Variants in PTPN4 observed in about 807,000 individuals in gnomAD.
The protein encoded by PTPN4 is tyrosine-protein phosphatase non-receptor type 4.
In PTPN4, 49 loss-of-function variants were observed where a neutral mutation model predicts 135.5. The observed-to-expected ratio is 0.36, with a 90% confidence interval of 0.29 to 0.46. PTPN4 has a LOEUF of 0.46. Among genes scored for constraint, PTPN4 ranks in the 20% least tolerant of loss-of-function variants. PTPN4 has a pLI of 1.00. For missense variants in PTPN4, 860 were observed against 1,101.0 expected (o/e 0.78, Z 3.10); for synonymous variants, 333 against 369.9 (o/e 0.90, Z 1.14).
At chr2:119,917,218 CT>C (rs1678666321) in intron 11 of PTPN4, among the ~76,000 whole-genome samples, 1 of 152,192 alleles carries the variant, frequency 6.6e-6, no homozygotes, top group Non-Finnish European at 1.5e-5. Flanking sequence ...AATCCTCACT[CT>C]CATTTTCTGA....
At chr2:119,935,036 A>C in intron 15 of PTPN4, 78 bp downstream of exon 15, 1 of 1,418,888 alleles carries the variant, frequency 7.0e-7, no homozygotes, top group Non-Finnish European at 9.6e-7. Flanking sequence ...CTGGGAAATT[A>C]GGATATTCGA....
rs902869004 is a variant in PTPN4 at position 119,936,008 on chromosome 2, A to AT, written c.1355+1062dup. 3.9e-4 allele frequency among the ~76,000 whole-genome samples: 57 copies of AT among 147,716 alleles called. No individual in the cohort carries two copies. The Middle Eastern group carries it at 0.017, about 45-fold the overall frequency. Reference sequence around the variant, plus strand: ...CGCAATTGAATATTTCCACATGTAAATTTTTTTTTTTTGAGATGGAGTCTC... The same window carrying AT: ...CGCAATTGAATATTTCCACATGTAAATTTTTTTTTTTTTGAGATGGAGTCTC... On this transcript the variant is annotated intron_variant, in intron 15 of 26. Transcript: ENST00000263708.
chr2:119,858,122 AG>A (rs1391671079), intron 2 of PTPN4, among the ~76,000 whole-genome samples: 2 of 152,240 alleles, frequency 1.3e-5, no homozygotes, highest in South Asian at 2.1e-4. Flanking sequence ...GGCCCTCAAC[AG>A]AAGCTGAACA....
intron 22 of PTPN4, among the ~76,000 whole-genome samples, chr2:119,959,854 TAAA>T (rs1231368863): frequency 6.6e-6 from 1 of 152,064 alleles, no homozygotes; most frequent in South Asian, 2.1e-4. Context: ...TTTACAGAAA[TAAA>T]AAACATGAGG....
intron 1 of PTPN4, among the ~76,000 whole-genome samples, chr2:119,790,003 C>T (rs1691115039): frequency 6.6e-6 from 1 of 152,140 alleles, no homozygotes; most frequent in South Asian, 2.1e-4. Flanking sequence ...GCTGGGATTA[C>T]AGGTGTGAGC....
intron 2 of PTPN4, among the ~76,000 whole-genome samples, chr2:119,843,301 T>C (rs963543614): frequency 6.9e-6 from 1 of 144,700 alleles, no homozygotes; most frequent in Non-Finnish European, 1.5e-5. Context: ...AGCACAGGGT[T>C]GGGGGTAAGG....
At chr2:119,882,185 T>A in intron 7 of PTPN4, 36 bp downstream of exon 7, 1 of 1,554,258 alleles carries the variant, frequency 6.4e-7, no homozygotes, top group Non-Finnish European at 8.9e-7. Flanking sequence ...AAATAGCATA[T>A]AACTGTGGTT....
At chr2:119,873,745 A>G (rs1351053049) in intron 3 of PTPN4, among the ~76,000 whole-genome samples, 3 of 152,216 alleles carry the variant, frequency 2.0e-5, no homozygotes, top group South Asian at 2.1e-4. Flanking sequence ...ATTCATATAT[A>G]TTGTATTGCA....
chr2:119,866,166 T>G (rs1034583079), intron 3 of PTPN4, among the ~76,000 whole-genome samples: 7 of 152,152 alleles, frequency 4.6e-5, no homozygotes, highest in African/African-American at 1.7e-4. Context: ...TTATGAGCAG[T>G]CAAAGGTGGC....
chr2:119,785,525 ATATT>A (rs1238167929), intron 1 of PTPN4, among the ~76,000 whole-genome samples: 2 of 152,156 alleles, frequency 1.3e-5, no homozygotes, highest in Non-Finnish European at 2.9e-5. Flanking sequence ...TATATATTAT[ATATT>A]ATTTTGGGTT....
chr2:119,957,077 T>C lies in PTPN4; in HGVS notation c.2133T>C (p.Asn711=). Residue 711 remains asparagine (N), a splice_region_variant and synonymous_variant, in exon 22 of 27, where the codon AAT becomes AAC. Transcript: ENST00000263708. ...NEDYINANYI[N]MEIPSSSIIN... is the part of the protein sequence containing the mutation. ...ACTACATCAATGCGAACTATATAAA[T>C]GTAAGTTTATTCTTATTATGCCTTT... The C allele has an allele frequency of 6.2e-7, 1 of 1,605,078 alleles. No homozygotes were observed. Among genetic ancestry groups the C allele is most frequent in the Non-Finnish European group, 8.5e-7 (1 of 1,175,678 alleles).
At chr2:119,904,600 A>T (rs1224518621) in intron 10 of PTPN4, among the ~76,000 whole-genome samples, 1 of 152,220 alleles carries the variant, frequency 6.6e-6, no homozygotes, top group Non-Finnish European at 1.5e-5. Context: ...GGCACTTCAT[A>T]GTCAAATTTT....
intron 1 of PTPN4, among the ~76,000 whole-genome samples, chr2:119,761,983 GT>G (rs535362623): frequency 6.4e-4 from 98 of 152,190 alleles, no homozygotes; most frequent in African/African-American, 2.2e-3. Context: ...TCAAACTTGT[GT>G]TTTTTTCTTA....
At chr2:119,953,491 A>G (rs997532360) in intron 19 of PTPN4, among the ~76,000 whole-genome samples, 4 of 152,216 alleles carry the variant, frequency 2.6e-5, no homozygotes, top group Non-Finnish European at 4.4e-5. Flanking sequence ...CTTCAACAGA[A>G]CATTCTATTT....
rs2105071990 is a variant in PTPN4, at chr2:119,980,856, C to T, written c.*3786C>T. On this transcript the variant is annotated 3_prime_UTR_variant, in exon 27 of 27. Transcript: ENST00000263708. ...AACATTATAGACTGCAGTTAGAAGA[C>T]TAATTTTTTAAAAGCACTCAAAACA... The T allele has an allele frequency of 6.6e-6, 1 of 151,868 alleles. No homozygotes were observed. The highest frequency in any genetic ancestry group is 6.6e-5 in the Admixed American group (1 of 15,256). The allele number at this position is 151,868 out of a possible 1,614,324, so 9.4% of individuals were successfully genotyped here.
At chr2:119,891,946 G>A (rs184431859) in intron 9 of PTPN4, among the ~76,000 whole-genome samples, 2 of 152,242 alleles carry the variant, frequency 1.3e-5, no homozygotes, top group Non-Finnish European at 2.9e-5. Context: ...ACTTTTTCCT[G>A]AAGATTTATC....
At chr2:119,845,594 C>G (rs1369624099) in intron 2 of PTPN4, among the ~76,000 whole-genome samples, 1 of 151,864 alleles carries the variant, frequency 6.6e-6, no homozygotes, top group Non-Finnish European at 1.5e-5. Flanking sequence ...GTTTTAATAA[C>G]TTTTTACTCT....
At position 119,845,265 on chromosome 2, in the gene PTPN4, GGAGGGA is replaced by G. The variant is rs1234261671; in HGVS notation, c.139-17241_139-17236del. ...GAGAGGGGGAGGGGGAGGGGGAGGG[GGAGGGA>G]GAGGGAGAGGGAGAGGGAGAGGGAG... is the stretch of plus-strand genomic sequence containing the variant. On this transcript the variant is annotated intron_variant, in intron 2 of 26. Transcript: ENST00000263708. 4.9e-3 allele frequency among the ~76,000 whole-genome samples: 199 copies of G among 41,012 alleles called. 1 individual carries two copies. The highest frequency in any genetic ancestry group is 9.3e-3 in the Middle Eastern group (1 of 108). 26.9% of individuals were successfully genotyped at this position (41,012 alleles called of 152,430 possible).
chr2:119,766,785 T>C (rs965091179), intron 1 of PTPN4, among the ~76,000 whole-genome samples: 1 of 152,018 alleles, frequency 6.6e-6, no homozygotes, highest in African/African-American at 2.4e-5. Context: ...AATAGGGCAA[T>C]ATAGATATGA....
Sources: gnomAD v4.1 joint callset for allele counts (sites outside exome capture counted in the v4.1 genomes callset) on GRCh38, gnomAD v4.1.1 for gene constraint, MANE v1.5 for transcripts, NCBI Gene and HGNC (gene_info 2026-07-23, HGNC 2026-07-21) for gene names.